Variants in FGF1 observed in about 807,000 individuals in gnomAD.
The protein encoded by FGF1 is fibroblast growth factor 1.
In FGF1, 9 loss-of-function variants were observed where a neutral mutation model predicts 13.4. The ratio of observed to expected loss-of-function variants is 0.67; its 90% CI spans 0.40 to 1.17. The LOEUF is 1.17. Among genes scored for constraint, FGF1 ranks in the 50% most tolerant of loss-of-function variants. FGF1 has a pLI of 0.01. For missense variants in FGF1, 156 were observed against 192.7 expected, an observed-to-expected ratio of 0.81 and a Z score of 1.13; for synonymous variants, 93 against 79.0, an observed-to-expected ratio of 1.18 and a Z score of -0.94.
intron 1 of FGF1, among the ~76,000 whole-genome samples, chr5:142,627,681 T>C (rs554191318): frequency 1.2e-3 from 185 of 152,292 alleles, no homozygotes; most frequent in African/African-American, 4.4e-3. Context: ...GGGCCCAGGA[T>C]ATGCAAAGCG....
At chr5:142,679,256 A>G (rs1016345032) in intron 1 of FGF1, among the ~76,000 whole-genome samples, 1 of 152,016 alleles carries the variant, frequency 6.6e-6, no homozygotes, top group African/African-American at 2.4e-5. Context: ...TGGTGATGCC[A>G]GGCTTCCTCA....
At chr5:142,627,520 G>A (rs779182966) in intron 1 of FGF1, among the ~76,000 whole-genome samples, 12 of 152,272 alleles carry the variant, frequency 7.9e-5, no homozygotes, top group East Asian at 1.9e-4. Context: ...CCCAGCATGC[G>A]GGTTTGTGTA....
intron 1 of FGF1, among the ~76,000 whole-genome samples, chr5:142,622,766 T>C (rs1761860107): frequency 6.6e-6 from 1 of 152,238 alleles, no homozygotes; most frequent in African/African-American, 2.4e-5. Flanking sequence ...GTTCTTTGCT[T>C]TCTATTTCTT....
chr5:142,624,873 C>T (rs966120907), intron 1 of FGF1, among the ~76,000 whole-genome samples: 4 of 152,208 alleles, frequency 2.6e-5, no homozygotes, highest in African/African-American at 9.7e-5. Context: ...CAAAACCTAG[C>T]CCAAACTGTC....
At chr5:142,678,474 A>C (rs1313625554) in intron 1 of FGF1, among the ~76,000 whole-genome samples, 2 of 152,110 alleles carry the variant, frequency 1.3e-5, no homozygotes, top group African/African-American at 4.8e-5. Flanking sequence ...CCTCACCCGC[A>C]GCACCCACCT....
chr5:142,638,168 T>C (rs1764596345), intron 1 of FGF1, among the ~76,000 whole-genome samples: 1 of 152,018 alleles, frequency 6.6e-6, no homozygotes, highest in Non-Finnish European at 1.5e-5. Flanking sequence ...TAAAGACAGA[T>C]GGCCTGAGAG....
intron 1 of FGF1, among the ~76,000 whole-genome samples, chr5:142,676,135 A>T (rs1772560040): frequency 2.0e-5 from 3 of 152,210 alleles, no homozygotes; most frequent in Admixed American, 2.0e-4. Context: ...CCTGGAAGAA[A>T]AAAGGCCGAC....
intron 1 of FGF1, among the ~76,000 whole-genome samples, chr5:142,659,268 C>G (rs188701411): frequency 2.8e-5 from 4 of 145,164 alleles, no homozygotes; most frequent in African/African-American, 1.0e-4. Context: ...CTCGCTCTGT[C>G]GCCAGGCTGG....
chr5:142,611,814 T>C (rs1487094882), intron 2 of FGF1, among the ~76,000 whole-genome samples: 1 of 152,180 alleles, frequency 6.6e-6, no homozygotes, highest in Non-Finnish European at 1.5e-5. Flanking sequence ...TTGACTTTCC[T>C]GGGTGGCAGT....
chr5:142,665,578 C>A (rs1770151831), intron 1 of FGF1, among the ~76,000 whole-genome samples: 1 of 152,280 alleles, frequency 6.6e-6, no homozygotes, highest in South Asian at 2.1e-4. Flanking sequence ...CTAGCTGCCT[C>A]TGTCCTCCCG....
At chr5:142,636,347 G>T (rs748795814) in intron 1 of FGF1, among the ~76,000 whole-genome samples, 1 of 152,234 alleles carries the variant, frequency 6.6e-6, no homozygotes, top group Non-Finnish European at 1.5e-5. Flanking sequence ...GGCCTTTAGG[G>T]TGAGGAAGGG....
At chr5:142,622,428 C>T (rs992262584) in intron 1 of FGF1, among the ~76,000 whole-genome samples, 19 of 152,132 alleles carry the variant, frequency 1.2e-4, no homozygotes, top group Non-Finnish European at 2.5e-4. Context: ...AGAAGCTAAG[C>T]CAAGAGTCTA....
At chr5:142,654,758 G>T (rs969517229) in intron 1 of FGF1, among the ~76,000 whole-genome samples, 12 of 152,236 alleles carry the variant, frequency 7.9e-5, no homozygotes, top group African/African-American at 2.9e-4. Context: ...CCTCTTTAGG[G>T]TTGGCTCCTT....
chr5:142,646,652 C>T (rs930677116), intron 1 of FGF1, among the ~76,000 whole-genome samples: 7 of 151,374 alleles, frequency 4.6e-5, no homozygotes, highest in African/African-American at 7.3e-5. Flanking sequence ...CGCCTGGCCC[C>T]GGCTAATTTT....
intron 2 of FGF1, among the ~76,000 whole-genome samples, chr5:142,695,294 G>C (rs560328708): frequency 2.6e-5 from 4 of 152,284 alleles, no homozygotes; most frequent in South Asian, 4.2e-4. Context: ...AGACCTCAAG[G>C]CTGGGCGCAG....
chr5:142,690,029 T>C (rs1449622886), upstream of FGF1, among the ~76,000 whole-genome samples: 1 of 149,076 alleles, frequency 6.7e-6, no homozygotes, highest in Admixed American at 6.6e-5. Context: ...AATTTTAAAA[T>C]ATTTTACCTT....
chr5:142,641,549 C>T (rs547731816), intron 1 of FGF1, among the ~76,000 whole-genome samples: 2 of 151,916 alleles, frequency 1.3e-5, no homozygotes, highest in African/African-American at 4.8e-5. Flanking sequence ...AAATGAAAAA[C>T]CAGTATCACT....
At chr5:142,614,210 A>C in intron 1 of FGF1, 49 bp from the exon 2 acceptor site, 1 of 1,476,010 alleles carries the variant, frequency 6.8e-7, no homozygotes, top group Non-Finnish European at 9.4e-7. Flanking sequence ...GCAAAGGCAC[A>C]AAATGCACTT....
In FGF1 at chr5:142,595,493, A is replaced by T. The variant is rs765790331; in HGVS notation, c.274-9T>A. ...TCCTCATTTGGTGTCTGCTAAAAAGATAAAACCAAAAGAGAGTAGGACAAT... is the reference window on the plus strand; with the variant it reads ...TCCTCATTTGGTGTCTGCTAAAAAGTTAAAACCAAAAGAGAGTAGGACAAT... On this transcript the variant is annotated splice_polypyrimidine_tract_variant and intron_variant, in intron 3 of 3. Coordinates refer to ENST00000337706, the MANE Select transcript of FGF1 (RefSeq NM_000800.5). The T allele has an allele frequency of 1.2e-6, 2 of 1,610,954 alleles. No individual in the cohort carries two copies. The highest frequency in any genetic ancestry group is 1.7e-6 in the Non-Finnish European group (2 of 1,178,378).
Sources: gnomAD v4.1 joint callset for allele counts (sites outside exome capture counted in the v4.1 genomes callset) on GRCh38, gnomAD v4.1.1 for gene constraint, MANE v1.5 for transcripts, NCBI Gene and HGNC (gene_info 2026-07-23, HGNC 2026-07-21) for gene names.